The following PRORP variants were observed in gnomAD, a reference collection of about 807,000 sequenced individuals.
PRORP encodes protein only RNase P catalytic subunit, also known as mitochondrial ribonuclease P catalytic subunit.
A neutral mutation model predicts 59.4 loss-of-function variants in PRORP; 51 were observed. The observed-to-expected ratio is 0.86, with a 90% CI of 0.69 to 1.08. PRORP has a LOEUF of 1.08. Ranked by LOEUF, PRORP falls within the 50% of genes least tolerant of loss-of-function variation. PRORP has a pLI of 0.00. For synonymous variants in PRORP, 231 were observed against 245.6 expected (o/e 0.94, Z 0.55); for missense variants, 646 against 690.3 (o/e 0.94, Z 0.72).
At chr14:35,248,484 T>C (rs1456333234) in intron 5 of PRORP, among the ~76,000 whole-genome samples, 1 of 152,234 alleles carries the variant, frequency 6.6e-6, no homozygotes, top group African/African-American at 2.4e-5. Flanking sequence ...TTGTATGGTA[T>C]ATAGCTCTGA....
At chr14:35,155,409 C>T (rs2047888483) in intron 4 of PRORP, among the ~76,000 whole-genome samples, 1 of 151,672 alleles carries the variant, frequency 6.6e-6, no homozygotes, top group Admixed American at 6.6e-5. Context: ...AGATTTTCAT[C>T]TTGAAAATCT....
chr14:35,193,607 T>C (rs1006884292), intron 5 of PRORP, among the ~76,000 whole-genome samples: 1 of 151,978 alleles, frequency 6.6e-6, no homozygotes, highest in Non-Finnish European at 1.5e-5. Context: ...ATGCTCAGTA[T>C]TTTTGTGTGT....
At chr14:35,179,799 G>A (rs970169118) in intron 4 of PRORP, among the ~76,000 whole-genome samples, 6 of 152,216 alleles carry the variant, frequency 3.9e-5, no homozygotes, top group Non-Finnish European at 8.8e-5. Flanking sequence ...CTTTGGAGGG[G>A]GAGAGGTGCT....
chr14:35,245,906 A>C (rs1272192319), intron 5 of PRORP, among the ~76,000 whole-genome samples: 1 of 152,172 alleles, frequency 6.6e-6, no homozygotes, highest in Non-Finnish European at 1.5e-5. Context: ...AGAAGGGTAC[A>C]TAGGAGGTAA....
chr14:35,197,223 G>T (rs1030778519), intron 5 of PRORP, among the ~76,000 whole-genome samples: 1 of 152,046 alleles, frequency 6.6e-6, no homozygotes, highest in Non-Finnish European at 1.5e-5. Flanking sequence ...AGATTGTCTC[G>T]TGAGTCATTA....
intron 5 of PRORP, among the ~76,000 whole-genome samples, chr14:35,216,411 G>A (rs1279498266): frequency 6.6e-6 from 1 of 151,548 alleles, no homozygotes; most frequent in Non-Finnish European, 1.5e-5. Flanking sequence ...CTGGGCTCAA[G>A]CAATCCTCCC....
intron 5 of PRORP, among the ~76,000 whole-genome samples, chr14:35,210,581 T>G (rs1189456389): frequency 1.3e-5 from 2 of 151,508 alleles, no homozygotes. Flanking sequence ...AGGAAGAGGC[T>G]CATGTTGATA....
intron 5 of PRORP, among the ~76,000 whole-genome samples, chr14:35,257,619 T>C (rs937989308): frequency 6.6e-6 from 1 of 152,232 alleles, no homozygotes; most frequent in African/African-American, 2.4e-5. Context: ...TTTGGGTTGC[T>C]TCCAAAACAG....
chr14:35,167,708 A>G (rs565194374), intron 4 of PRORP, among the ~76,000 whole-genome samples: 35 of 152,316 alleles, frequency 2.3e-4, no homozygotes, highest in African/African-American at 8.2e-4. Flanking sequence ...TTCGCATGTT[A>G]AGAGCACTGC....
chr14:35,208,779 G>T (rs924716303), intron 5 of PRORP, among the ~76,000 whole-genome samples: 6 of 152,194 alleles, frequency 3.9e-5, no homozygotes, highest in Admixed American at 3.3e-4. Context: ...GCCAAGGTGG[G>T]TGGATCACCT....
chr14:35,177,076 A>G (rs923616285), intron 4 of PRORP, among the ~76,000 whole-genome samples: 1 of 152,244 alleles, frequency 6.6e-6, no homozygotes, highest in Non-Finnish European at 1.5e-5. Context: ...CCAGCCTTGC[A>G]TCCCAGGGAT....
intron 4 of PRORP, among the ~76,000 whole-genome samples, chr14:35,161,779 A>G (rs942842981): frequency 6.6e-6 from 1 of 152,164 alleles, no homozygotes; most frequent in Non-Finnish European, 1.5e-5. Context: ...TCTTTACCTG[A>G]GTTAGATCTA....
chr14:35,133,394 G>C (rs766805015), intron 4 of PRORP, among the ~76,000 whole-genome samples: 2 of 151,906 alleles, frequency 1.3e-5, no homozygotes, highest in Non-Finnish European at 2.9e-5. Flanking sequence ...AATTTATCTG[G>C]TAGAATTCTG....
At chr14:35,261,565 C>T (rs1352290603) in intron 5 of PRORP, among the ~76,000 whole-genome samples, 3 of 152,136 alleles carry the variant, frequency 2.0e-5, no homozygotes, top group Non-Finnish European at 4.4e-5. Flanking sequence ...CCTGTCTCTA[C>T]TGAAAATACA....
chr14:35,148,104 T>C (rs2047654759), intron 4 of PRORP, among the ~76,000 whole-genome samples: 1 of 152,234 alleles, frequency 6.6e-6, no homozygotes, highest in African/African-American at 2.4e-5. Flanking sequence ...CCTGTTACTG[T>C]TGATATTTCA....
Position 35,208,149 on chromosome 14 carries a change from C to CA in PRORP, c.1275+27385dup, listed in dbSNP as rs746541203. On this transcript the variant is annotated intron_variant, in intron 5 of 7. Transcript: ENST00000534898. ...TGGGCAAAAGAGCAAGACTCCATCT[C>CA]AAAAAAAAAAAAAGACTATAGTTAA... Among the ~76,000 whole-genome samples, 785 of 135,880 alleles carry CA rather than the reference C, an allele frequency of 5.8e-3. 1 individual carries two copies. The highest frequency in any genetic ancestry group is 0.014 in the African/African-American group (499 of 36,384). 89.1% of individuals were successfully genotyped at this position (135,880 alleles called of 152,430 possible). A position where few individuals can be genotyped will look rare whatever the true frequency, so the allele number is the denominator to read the frequency against.
chr14:35,125,219 T>C (rs1293640953), intron 2 of PRORP, among the ~76,000 whole-genome samples: 1 of 152,130 alleles, frequency 6.6e-6, no homozygotes, highest in Non-Finnish European at 1.5e-5. Context: ...CAGGGGGATA[T>C]TGATCAAGCC....
chr14:35,270,716 A>G (rs1052363101), intron 7 of PRORP, 120 bp downstream of exon 7: 35 of 963,708 alleles, frequency 3.6e-5, no homozygotes, highest in Non-Finnish European at 4.7e-5. Flanking sequence ...TCTCAGTTTT[A>G]GGTTAGTATT....
intron 4 of PRORP, among the ~76,000 whole-genome samples, chr14:35,142,629 C>T (rs2047509199): frequency 6.9e-6 from 1 of 144,156 alleles, no homozygotes. Flanking sequence ...ATTGCCTGAG[C>T]TCAGAAGTTT....
Sources: allele counts gnomAD v4.1 joint callset (sites outside exome capture counted in the v4.1 genomes callset), GRCh38; gene constraint gnomAD v4.1.1; transcripts MANE v1.5; gene names NCBI Gene and HGNC (gene_info 2026-07-23, HGNC 2026-07-21).